Variants in WDR41 observed in about 807,000 individuals in gnomAD.
WDR41 encodes WD repeat domain 41, also known as WD repeat-containing protein 41.
A neutral mutation model predicts 69.3 loss-of-function variants in WDR41; 63 were observed. The observed-to-expected ratio is 0.91, with a 90% CI of 0.74 to 1.12. The LOEUF is 1.12. Ranked by LOEUF, WDR41 falls within the 50% of genes most tolerant of loss-of-function variation. WDR41 has a pLI of 0.00. For synonymous variants in WDR41, 185 were observed against 192.1 expected, an observed-to-expected ratio of 0.96 and a Z score of 0.31; for missense variants, 543 against 534.5, an observed-to-expected ratio of 1.02 and a Z score of -0.16.
At chr5:77,442,883 C>G (rs1205611678) in intron 8 of WDR41, among the ~76,000 whole-genome samples, 1 of 27,246 alleles carries the variant, frequency 3.7e-5, no homozygotes, top group Admixed American at 5.1e-4. Flanking sequence ...CAGAGCGAGA[C>G]TCTGTCTCCC....
intron 1 of WDR41, among the ~76,000 whole-genome samples, chr5:77,612,248 T>C (rs1744569831): frequency 6.6e-6 from 1 of 152,186 alleles, no homozygotes; most frequent in Non-Finnish European, 1.5e-5. Context: ...TCTGAAACTA[T>C]TCCAATCAAT....
At chr5:77,475,864 A>T (rs1453501145) in intron 2 of WDR41, among the ~76,000 whole-genome samples, 2 of 152,184 alleles carry the variant, frequency 1.3e-5, no homozygotes, top group Non-Finnish European at 2.9e-5. Context: ...CAGACGATGA[A>T]ATTACTATGA....
At chr5:77,601,639 T>C (rs1440397137) in intron 1 of WDR41, among the ~76,000 whole-genome samples, 1 of 152,146 alleles carries the variant, frequency 6.6e-6, no homozygotes, top group African/African-American at 2.4e-5. Context: ...GCTGCTTCAA[T>C]ATGAAGCTAC....
At chr5:77,487,828 G>A (rs563564030) in intron 2 of WDR41, among the ~76,000 whole-genome samples, 29 of 152,300 alleles carry the variant, frequency 1.9e-4, no homozygotes, top group South Asian at 1.7e-3. Flanking sequence ...TGAAGATTGA[G>A]TTCAATTATG....
intron 5 of WDR41, among the ~76,000 whole-genome samples, chr5:77,456,321 T>C (rs1300764621): frequency 6.6e-6 from 1 of 152,210 alleles, no homozygotes; most frequent in East Asian, 1.9e-4. Context: ...AATCTATTTC[T>C]GAGTATTTTA....
intron 12 of WDR41, 35 bp from the exon 13 acceptor site, chr5:77,433,322 C>A: frequency 6.3e-7 from 1 of 1,594,926 alleles, no homozygotes; most frequent in Admixed American, 1.8e-5. Flanking sequence ...ATAGGGACCC[C>A]GAAAAGCAGA....
chr5:77,521,570 T>C (rs1385747461), intron 1 of WDR41, among the ~76,000 whole-genome samples: 1 of 152,182 alleles, frequency 6.6e-6, no homozygotes, highest in East Asian at 1.9e-4. Flanking sequence ...AGGTCCACAA[T>C]CCCTTATCCA....
At chr5:77,544,073 G>T (rs770875698) in intron 1 of WDR41, among the ~76,000 whole-genome samples, 11 of 152,018 alleles carry the variant, frequency 7.2e-5, no homozygotes, top group Non-Finnish European at 1.6e-4. Flanking sequence ...GTGAAGAAAA[G>T]GTACAGTCTT....
chr5:77,472,103 G>A (rs1385465582), intron 2 of WDR41, among the ~76,000 whole-genome samples: 1 of 152,232 alleles, frequency 6.6e-6, no homozygotes, highest in Non-Finnish European at 1.5e-5. Context: ...TCACTGGGAT[G>A]CAAGGCTGGT....
chr5:77,523,344 A>G (rs79011446), intron 1 of WDR41, among the ~76,000 whole-genome samples: 5,990 of 152,150 alleles, frequency 0.039, 141 homozygotes, highest in Middle Eastern at 0.1. Flanking sequence ...TTAGAATAAT[A>G]TAACTTTTCA....
intron 1 of WDR41, among the ~76,000 whole-genome samples, chr5:77,601,375 C>T (rs985401019): frequency 6.6e-6 from 1 of 152,146 alleles, no homozygotes; most frequent in Non-Finnish European, 1.5e-5. Flanking sequence ...CAGTCCATTG[C>T]TTTTCTTCTG....
rs1380338980 is a variant in WDR41 at position 77,489,505 on chromosome 5, T to C, written c.119A>G (p.Lys40Arg). The change falls in exon 2 of 13, where the codon AAG becomes AGG. Residue 40 changes from lysine (K) to arginine (R), a missense_variant. Physicochemically the swap from Lys to Arg is conservative, Grantham distance 26 (BLOSUM62 2). Transcript: ENST00000296679. ...AAATCGTACAATATCATGATGAGCC[T>C]TCAGTACTAGCAGTTCAGTGTAGGG... ...QNPYTELLVL[K>R]AHHDIVRFLV... The C allele has an allele frequency of 1.2e-6, 2 of 1,610,754 alleles. No individual in the cohort carries two copies. Among genetic ancestry groups the C allele is most frequent in the Admixed American group, 3.4e-5 (2 of 59,696 alleles).
intron 1 of WDR41, among the ~76,000 whole-genome samples, chr5:77,572,904 A>G (rs946052649): frequency 2.0e-5 from 3 of 152,246 alleles, no homozygotes; most frequent in African/African-American, 7.2e-5. Flanking sequence ...ACGGTGATGT[A>G]TAAAACAGGG....
chr5:77,520,510 C>T (rs1481739142), intron 1 of WDR41, among the ~76,000 whole-genome samples: 1 of 152,184 alleles, frequency 6.6e-6, no homozygotes, highest in East Asian at 1.9e-4. Context: ...AAAGACCTGA[C>T]ACCGCATTGA....
At chr5:77,543,271 C>G (rs1356741019) in intron 1 of WDR41, among the ~76,000 whole-genome samples, 1 of 152,126 alleles carries the variant, frequency 6.6e-6, no homozygotes, top group Non-Finnish European at 1.5e-5. Context: ...AAAAATCACA[C>G]TAGCTCACCA....
In WDR41 at chr5:77,573,937, C is replaced by T. The variant is rs143878569; in HGVS notation, c.42+46542G>A. Among the ~76,000 whole-genome samples the T allele has an allele frequency of 5.1e-4, 78 of 152,268 alleles. 1 individual carries two copies. Among genetic ancestry groups the T allele is most frequent in the Non-Finnish European group, 1.0e-3 (68 of 68,008 alleles). ...AGAGAGAACCCTGGTCTCATTATTG[C>T]TTGCTTCCTCCCCACTTTTCCCCAT... On this transcript the variant is annotated intron_variant, in intron 1 of 5. Transcript: ENST00000509971.
chr5:77,589,192 A>G (rs1337649470), intron 1 of WDR41, among the ~76,000 whole-genome samples: 2 of 152,222 alleles, frequency 1.3e-5, no homozygotes, highest in East Asian at 1.9e-4. Context: ...TTTAGCAGGT[A>G]TGTGAATTTG....
intron 3 of WDR41, 64 bp from the exon 4 acceptor site, chr5:77,463,290 A>G: frequency 6.8e-7 from 1 of 1,460,194 alleles, no homozygotes; most frequent in Non-Finnish European, 9.3e-7. Context: ...ATAAATGACT[A>G]CATTAAGTAC....
intron 1 of WDR41, among the ~76,000 whole-genome samples, chr5:77,558,533 G>A (rs887488000): frequency 4.6e-5 from 7 of 152,136 alleles, no homozygotes; most frequent in African/African-American, 1.7e-4. Context: ...CCCTCTTGGG[G>A]CAGGCTGAGG....
Sources: gnomAD v4.1 joint callset for allele counts (sites outside exome capture counted in the v4.1 genomes callset) on GRCh38, gnomAD v4.1.1 for gene constraint, MANE v1.5 for transcripts, NCBI Gene and HGNC (gene_info 2026-07-23, HGNC 2026-07-21) for gene names.